The following AMBRA1 variants were observed in gnomAD, a reference collection of about 807,000 sequenced individuals.
AMBRA1 encodes the protein activating molecule in BECN1-regulated autophagy protein 1.
Under a neutral mutation model 125.4 loss-of-function variants are expected in AMBRA1, and 47 were observed. The ratio of observed to expected loss-of-function variants is 0.37; its 90% CI spans 0.30 to 0.48. AMBRA1 has a LOEUF of 0.48. Among genes scored for constraint, AMBRA1 ranks in the 20% least tolerant of loss-of-function variants. The probability of loss-of-function intolerance (pLI) is 0.99; values close to 1 mark genes in which losing one functional copy is unlikely to be tolerated. For synonymous variants in AMBRA1, 626 were observed against 655.5 expected, an observed-to-expected ratio of 0.95 and a Z score of 0.69; for missense variants, 1,331 against 1,693.4, an observed-to-expected ratio of 0.79 and a Z score of 3.76.
chr11:46,562,878 G>A (rs1009025215), intron 1 of AMBRA1, among the ~76,000 whole-genome samples: 1 of 150,776 alleles, frequency 6.6e-6, no homozygotes, highest in Non-Finnish European at 1.5e-5. Flanking sequence ...TCGACTCACT[G>A]CAATCTCCGC....
chr11:46,397,488 C>T lies in AMBRA1; in HGVS notation c.3859G>A (p.Asp1287Asn), dbSNP rs763741733. The T allele has an allele frequency of 6.6e-7, 1 of 1,521,658 alleles. No individual in the cohort carries two copies. Among genetic ancestry groups the T allele is most frequent in the South Asian group, 1.3e-5 (1 of 76,356 alleles). The allele number at this position is 1,521,658 out of a possible 1,614,324, so 94.3% of individuals were successfully genotyped here. The change falls in exon 18 of 18, where the codon GAC becomes AAC. Residue 1287 changes from aspartate to asparagine, a missense_variant. Asp to Asn is a conservative substitution (Grantham distance 23). This residue lies in a region of AMBRA1 where 144 missense variants were observed against 133.9 expected (regional missense o/e 1.08). Coordinates refer to ENST00000683756, the MANE Select transcript of AMBRA1 (RefSeq NM_001387011.1). ...HLLDGGSSRG[D>N]AAGPRGEPRN... ...GGTTCTCCCCTAGGGCCTGCAGCGTCCCCCCTGCTGCTGCCACCATCCAGA... is the reference window on the plus strand; with the variant it reads ...GGTTCTCCCCTAGGGCCTGCAGCGTTCCCCCTGCTGCTGCCACCATCCAGA...
intron 1 of AMBRA1, among the ~76,000 whole-genome samples, chr11:46,583,366 A>AGAC: frequency 1.3e-5 from 2 of 151,838 alleles, no homozygotes; most frequent in East Asian, 3.9e-4. Context: ...TGGATTAAAG[A>AGAC]CTTAAACGTT....
chr11:46,587,288 G>A lies in AMBRA1; in HGVS notation c.-121+6540C>T, dbSNP rs572708580. On this transcript the variant is annotated intron_variant, in intron 1 of 17. Transcript: ENST00000683756. ...CCAGCTACTCGGGAGGCTGAGGCAC[G>A]AGAATCGCTTGAACCCGGGAGGTGG... 1.4e-4 allele frequency among the ~76,000 whole-genome samples: 22 copies of A among 152,128 alleles called. No homozygotes were observed. In the South Asian group the frequency reaches 3.9e-3, roughly 27 times the overall value.
chr11:46,524,068 A>C (rs1250647676), intron 7 of AMBRA1, among the ~76,000 whole-genome samples: 1 of 152,162 alleles, frequency 6.6e-6, no homozygotes, highest in Non-Finnish European at 1.5e-5. Context: ...GGGTTTCACT[A>C]TGCTGGCCAG....
At chr11:46,438,498 T>C (rs1220358088) in intron 12 of AMBRA1, among the ~76,000 whole-genome samples, 2 of 152,242 alleles carry the variant, frequency 1.3e-5, no homozygotes, top group African/African-American at 4.8e-5. Context: ...CGGGAGCAAT[T>C]AGCAGTTGCA....
intron 11 of AMBRA1, among the ~76,000 whole-genome samples, chr11:46,470,392 A>G (rs1221188670): frequency 3.9e-5 from 6 of 151,954 alleles, no homozygotes; most frequent in African/African-American, 1.4e-4. Flanking sequence ...ATCGAGACCA[A>G]TCCTGGCTAA....
intron 17 of AMBRA1, among the ~76,000 whole-genome samples, chr11:46,407,183 GA>G (rs1946065291): frequency 6.6e-6 from 1 of 152,160 alleles, no homozygotes; most frequent in Non-Finnish European, 1.5e-5. Context: ...CAGCTTAGGT[GA>G]CAGAGTGAGA....
At chr11:46,472,348 G>C (rs1190252425) in intron 11 of AMBRA1, among the ~76,000 whole-genome samples, 1 of 152,218 alleles carries the variant, frequency 6.6e-6, no homozygotes, top group Non-Finnish European at 1.5e-5. Context: ...GGCAGTCCCA[G>C]CTTGTCTCAA....
intron 12 of AMBRA1, among the ~76,000 whole-genome samples, chr11:46,440,658 T>C (rs1947959381): frequency 6.6e-6 from 1 of 152,190 alleles, no homozygotes; most frequent in African/African-American, 2.4e-5. Context: ...CAAACTTCAT[T>C]TTCAATAAGG....
chr11:46,477,245 C>T (rs1949852313), intron 11 of AMBRA1, among the ~76,000 whole-genome samples: 1 of 151,992 alleles, frequency 6.6e-6, no homozygotes, highest in East Asian at 1.9e-4. Flanking sequence ...TCACCACAAC[C>T]TCTAACTCTT....
intron 1 of AMBRA1, among the ~76,000 whole-genome samples, chr11:46,589,576 C>A (rs2044518049): frequency 6.6e-6 from 1 of 152,172 alleles, no homozygotes. Flanking sequence ...AACATTTTCT[C>A]TTATTCCTTT....
At chr11:46,468,614 C>G (rs1237599497) in intron 11 of AMBRA1, among the ~76,000 whole-genome samples, 1 of 151,068 alleles carries the variant, frequency 6.6e-6, no homozygotes, top group Non-Finnish European at 1.5e-5. Context: ...CTAGCTAACA[C>G]CGTGAAACCC....
chr11:46,544,086 A>C, intron 5 of AMBRA1, 45 bp from the exon 6 acceptor site: 1 of 1,490,638 alleles, frequency 6.7e-7, no homozygotes, highest in Non-Finnish European at 9.3e-7. Flanking sequence ...TAGAGAGATT[A>C]TGTTAACTGA....
At chr11:46,477,213 G>A (rs1286470306) in intron 11 of AMBRA1, among the ~76,000 whole-genome samples, 1 of 151,934 alleles carries the variant, frequency 6.6e-6, no homozygotes, top group Non-Finnish European at 1.5e-5. Context: ...AGGCAGAATA[G>A]AAGGACACTA....
At chr11:46,543,823 C>T (rs937785994) in intron 6 of AMBRA1, 152 bp downstream of exon 6, 3 of 692,450 alleles carry the variant, frequency 4.3e-6, no homozygotes, top group Non-Finnish European at 7.3e-6. Flanking sequence ...GGCTATAACC[C>T]TGAATATACA....
intron 14 of AMBRA1, among the ~76,000 whole-genome samples, chr11:46,426,505 C>T (rs1372533423): frequency 6.6e-6 from 1 of 152,156 alleles, no homozygotes. Context: ...TAAGAGGCCA[C>T]AGAGGAAAGA....
chr11:46,492,905 T>C (rs892216008), intron 11 of AMBRA1, among the ~76,000 whole-genome samples: 3 of 152,046 alleles, frequency 2.0e-5, no homozygotes, highest in African/African-American at 7.2e-5. Flanking sequence ...AAAAATTAGC[T>C]GGGCGTGGTG....
At chr11:46,564,096 A>G (rs1404019241) in intron 1 of AMBRA1, among the ~76,000 whole-genome samples, 1 of 144,376 alleles carries the variant, frequency 6.9e-6, no homozygotes, top group Non-Finnish European at 1.5e-5. Context: ...GTGAGCCGAG[A>G]TGGCGCCATT....
intron 1 of AMBRA1, among the ~76,000 whole-genome samples, chr11:46,552,389 A>T (rs941984039): frequency 2.2e-5 from 3 of 136,890 alleles, no homozygotes; most frequent in Admixed American, 7.2e-5. Context: ...AAAAAAAAAA[A>T]AAAAAAAAAA....
Sources: allele counts gnomAD v4.1 joint callset (sites outside exome capture counted in the v4.1 genomes callset), GRCh38; gene constraint gnomAD v4.1.1; regional missense constraint gnomAD v4.1.1; transcripts MANE v1.5; gene names NCBI Gene and HGNC (gene_info 2026-07-23, HGNC 2026-07-21).